The following NLGN1 variants were observed in gnomAD, a reference collection of about 807,000 sequenced individuals.
The protein encoded by NLGN1 is neuroligin 1, also known as neuroligin-1.
In NLGN1, 12 loss-of-function variants were observed where a neutral mutation model predicts 65.5. The ratio of observed to expected loss-of-function variants is 0.18; its 90% CI spans 0.12 to 0.30. The LOEUF (loss-of-function observed/expected upper bound fraction) is 0.30. Among genes scored for constraint, NLGN1 ranks in the 10% least tolerant of loss-of-function variants. NLGN1 has a pLI of 1.00. For missense variants in NLGN1, 750 were observed against 1,007.1 expected, an observed-to-expected ratio of 0.74 and a Z score of 3.46; for synonymous variants, 350 against 359.5, an observed-to-expected ratio of 0.97 and a Z score of 0.30.
At chr3:173,932,514 A>C (rs1209212289) in intron 4 of NLGN1, among the ~76,000 whole-genome samples, 1 of 152,094 alleles carries the variant, frequency 6.6e-6, no homozygotes, top group East Asian at 1.9e-4. Flanking sequence ...TTTAAAAAAA[A>C]AAAAAAAGTG....
intron 4 of NLGN1, among the ~76,000 whole-genome samples, chr3:174,013,995 A>G (rs895999876): frequency 1.3e-5 from 2 of 152,122 alleles, no homozygotes; most frequent in African/African-American, 4.8e-5. Flanking sequence ...GATTATAGGC[A>G]TGAGCCACCA....
chr3:173,462,135 T>C (rs1407812019), intron 2 of NLGN1, among the ~76,000 whole-genome samples: 2 of 152,214 alleles, frequency 1.3e-5, no homozygotes, highest in East Asian at 1.9e-4. Flanking sequence ...TATAAAAGTC[T>C]TTCAAAGCTT....
At chr3:173,848,451 G>A (rs1216259773) in intron 4 of NLGN1, among the ~76,000 whole-genome samples, 1 of 152,112 alleles carries the variant, frequency 6.6e-6, no homozygotes, top group African/African-American at 2.4e-5. Context: ...TCAAATAAAT[G>A]TTAACGTTTA....
chr3:174,049,944 T>A (rs1341081755), intron 4 of NLGN1, among the ~76,000 whole-genome samples: 1 of 151,914 alleles, frequency 6.6e-6, no homozygotes, highest in Non-Finnish European at 1.5e-5. Flanking sequence ...GAGTTAAGAC[T>A]GATAAAAGAG....
intron 1 of NLGN1, among the ~76,000 whole-genome samples, chr3:173,429,133 A>G (rs1451804023): frequency 6.6e-6 from 1 of 151,814 alleles, no homozygotes; most frequent in Non-Finnish European, 1.5e-5. Flanking sequence ...CGGCTATTAG[A>G]TTTGCTCTGT....
At chr3:174,266,786 G>A (rs2152869983) in intron 4 of NLGN1, among the ~76,000 whole-genome samples, 1 of 152,074 alleles carries the variant, frequency 6.6e-6, no homozygotes, top group East Asian at 1.9e-4. Context: ...TAAAAATGTG[G>A]TAAATTTAAC....
chr3:174,212,233 T>C (rs7632710), intron 4 of NLGN1, among the ~76,000 whole-genome samples: 17,072 of 152,228 alleles, frequency 0.11, 2,173 homozygotes, highest in African/African-American at 0.31. Flanking sequence ...CCCCTCACTG[T>C]CCGGGGCCAG....
intron 3 of NLGN1, among the ~76,000 whole-genome samples, chr3:173,626,231 G>C (rs1754803871): frequency 6.6e-6 from 1 of 151,944 alleles, no homozygotes; most frequent in South Asian, 2.1e-4. Flanking sequence ...AGCTACCTAT[G>C]ATTAATTGCT....
chr3:174,041,189 A>G (rs754872930), intron 4 of NLGN1, among the ~76,000 whole-genome samples: 3 of 152,034 alleles, frequency 2.0e-5, no homozygotes, highest in South Asian at 2.1e-4. Context: ...TTTTTTTTAA[A>G]TTGTTTAATA....
chr3:173,639,039 T>C (rs1476714733), intron 3 of NLGN1, among the ~76,000 whole-genome samples: 3 of 152,198 alleles, frequency 2.0e-5, no homozygotes, highest in Non-Finnish European at 4.4e-5. Context: ...GCTGAAGGAC[T>C]GGTGAGCATA....
intron 4 of NLGN1, among the ~76,000 whole-genome samples, chr3:173,906,749 G>T (rs1251651467): frequency 6.6e-6 from 1 of 151,780 alleles, no homozygotes; most frequent in Admixed American, 6.6e-5. Flanking sequence ...TACTCAAGAG[G>T]CTGACACAGG....
chr3:173,603,556 T>G (rs1414658195), intron 2 of NLGN1, among the ~76,000 whole-genome samples: 1 of 152,118 alleles, frequency 6.6e-6, no homozygotes, highest in Non-Finnish European at 1.5e-5. Flanking sequence ...TATAGCAAGA[T>G]GGTAAAATAA....
At chr3:173,726,853 ACAGT>A (rs1336170166) in intron 3 of NLGN1, among the ~76,000 whole-genome samples, 6 of 151,998 alleles carry the variant, frequency 3.9e-5, no homozygotes, top group African/African-American at 1.4e-4. Context: ...AAAATTAATA[ACAGT>A]CAGTAGTAAC....
chr3:174,223,203 G>A (rs370225573), intron 4 of NLGN1, among the ~76,000 whole-genome samples: 4 of 152,010 alleles, frequency 2.6e-5, no homozygotes, highest in Non-Finnish European at 5.9e-5. Flanking sequence ...TTCACCTCAC[G>A]CCCCTAAATA....
At chr3:174,132,101 G>C (rs1159508995) in intron 4 of NLGN1, among the ~76,000 whole-genome samples, 1 of 152,150 alleles carries the variant, frequency 6.6e-6, no homozygotes, top group African/African-American at 2.4e-5. Flanking sequence ...TATACAAGGA[G>C]ACAATTTATG....
chr3:173,406,646 C>T (rs946104314), intron 1 of NLGN1, among the ~76,000 whole-genome samples: 2 of 151,348 alleles, frequency 1.3e-5, no homozygotes, highest in Non-Finnish European at 2.9e-5. Flanking sequence ...TCAGATGCTA[C>T]TATTTGTGGA....
At chr3:173,538,336 A>G (rs572804783) in intron 2 of NLGN1, among the ~76,000 whole-genome samples, 1 of 152,274 alleles carries the variant, frequency 6.6e-6, no homozygotes, top group African/African-American at 2.4e-5. Context: ...GAAACATATA[A>G]AACTAGTGAA....
intron 4 of NLGN1, among the ~76,000 whole-genome samples, chr3:174,055,150 CTTTTTTTTTT>C (rs113474137): frequency 2.6e-4 from 31 of 117,610 alleles, no homozygotes; most frequent in African/African-American, 8.9e-4. Context: ...AAGGAGCTTG[CTTTTTTTTTT>C]TTTTTTTTTC....
At chr3:174,281,253 C>G in exon 7 of NLGN1, 1 of 1,612,922 alleles carries the variant, frequency 6.2e-7, no homozygotes, top group Non-Finnish European at 8.5e-7. Flanking sequence ...GAACAATACT[C>G]TGCCCCATCC....
Sources: allele counts gnomAD v4.1 joint callset (sites outside exome capture counted in the v4.1 genomes callset), GRCh38; gene constraint gnomAD v4.1.1; transcripts MANE v1.5; gene names NCBI Gene and HGNC (gene_info 2026-07-23, HGNC 2026-07-21).